The following GRIK3 variants were observed in gnomAD, a reference collection of about 807,000 sequenced individuals.
GRIK3 encodes glutamate receptor ionotropic, kainate 3.
GRIK3 carries 29 observed loss-of-function variants against 102.5 expected under a neutral mutation model. The ratio of observed to expected loss-of-function variants is 0.28; its 90% CI spans 0.21 to 0.39. The LOEUF is 0.39. Among genes scored for constraint, GRIK3 ranks in the 10% least tolerant of loss-of-function variants. The pLI is 1.00. For synonymous variants in GRIK3, 511 were observed against 504.9 expected, an observed-to-expected ratio of 1.01 and a Z score of -0.16; for missense variants, 908 against 1,252.4, an observed-to-expected ratio of 0.73 and a Z score of 4.15.
intron 1 of GRIK3, among the ~76,000 whole-genome samples, chr1:36,915,179 C>T (rs1242721732): frequency 6.6e-6 from 1 of 152,180 alleles, no homozygotes; most frequent in Non-Finnish European, 1.5e-5. Flanking sequence ...GTAGGGGAGA[C>T]CTCTGCCACT....
intron 1 of GRIK3, among the ~76,000 whole-genome samples, chr1:36,944,748 T>C (rs1641763676): frequency 6.6e-6 from 1 of 152,132 alleles, no homozygotes; most frequent in Admixed American, 6.5e-5. Flanking sequence ...CAGAGAGATG[T>C]GGGTCTATGT....
chr1:36,902,018 A>C (rs1307003995), intron 1 of GRIK3, among the ~76,000 whole-genome samples: 1 of 152,246 alleles, frequency 6.6e-6, no homozygotes, highest in Non-Finnish European at 1.5e-5. Context: ...TTATAAATCT[A>C]ACAAAATATG....
intron 1 of GRIK3, among the ~76,000 whole-genome samples, chr1:37,016,124 G>A (rs1642650334): frequency 6.6e-6 from 1 of 152,202 alleles, no homozygotes; most frequent in African/African-American, 2.4e-5. Flanking sequence ...TTTAAGGTTA[G>A]AAGTTTCCCA....
intron 1 of GRIK3, among the ~76,000 whole-genome samples, chr1:37,017,369 TAAAAAAAAAAAAAA>T (rs774819790): frequency 2.1e-5 from 1 of 48,534 alleles, no homozygotes; most frequent in Non-Finnish European, 3.5e-5. Flanking sequence ...CCCTGTCTCT[TAAAAAAAAAAAAAA>T]AAAAAAAAAA....
At chr1:36,811,969 T>C (rs1642567557) in intron 13 of GRIK3, among the ~76,000 whole-genome samples, 1 of 152,166 alleles carries the variant, frequency 6.6e-6, no homozygotes, top group African/African-American at 2.4e-5. Flanking sequence ...TGTCTGACTT[T>C]AAAACTGATG....
chr1:36,817,419 C>T (rs974432085), intron 12 of GRIK3, 142 bp from the exon 13 acceptor site: 23 of 631,924 alleles, frequency 3.6e-5, no homozygotes, highest in African/African-American at 7.3e-5. Context: ...AGTGTGGTCC[C>T]TGGACTGGCA....
chr1:36,973,312 G>T (rs1642163042), intron 1 of GRIK3, among the ~76,000 whole-genome samples: 1 of 151,826 alleles, frequency 6.6e-6, no homozygotes, highest in Admixed American at 6.6e-5. Flanking sequence ...TGCACACCAG[G>T]CCTTTCCTTG....
intron 15 of GRIK3, among the ~76,000 whole-genome samples, chr1:36,802,499 C>T (rs1305659910): frequency 6.6e-6 from 1 of 152,196 alleles, no homozygotes; most frequent in Non-Finnish European, 1.5e-5. Context: ...AAACTTTCTC[C>T]TGGAAGGGCT....
intron 1 of GRIK3, among the ~76,000 whole-genome samples, chr1:36,982,605 T>C (rs1173635709): frequency 6.6e-6 from 1 of 152,070 alleles, no homozygotes; most frequent in African/African-American, 2.4e-5. Context: ...AAAAATCCCA[T>C]GGGTCTGCAG....
chr1:36,812,457 C>T lies in GRIK3; in HGVS notation c.2091+4603G>A, dbSNP rs561275323. Among the ~76,000 whole-genome samples the T allele has an allele frequency of 8.1e-4, 124 of 152,302 alleles. 1 individual carries two copies. Among genetic ancestry groups the T allele is most frequent in the South Asian group, 6.2e-3 (30 of 4,822 alleles). The stretch of plus-strand genomic sequence containing the variant: ...TGTGCAGCCCTCCCTGCAAAGAACA[C>T]GCTTTCCCAACGTTCTCCTTTACAT... On this transcript the variant is annotated intron_variant, in intron 13 of 15. Coordinates refer to ENST00000373091, the MANE Select transcript of GRIK3 (RefSeq NM_000831.4).
chr1:37,027,562 G>A (rs142164739), intron 1 of GRIK3, among the ~76,000 whole-genome samples: 2 of 152,264 alleles, frequency 1.3e-5, no homozygotes, highest in Non-Finnish European at 2.9e-5. Flanking sequence ...CCTACACCCA[G>A]CCCTGTGCAC....
chr1:36,942,654 A>C (rs2124326156), intron 1 of GRIK3, among the ~76,000 whole-genome samples: 1 of 151,276 alleles, frequency 6.6e-6, no homozygotes, highest in African/African-American at 2.4e-5. Flanking sequence ...TCAAGGGCCA[A>C]ACCCCACCCC....
At chr1:36,881,958 C>G (rs903254934) in intron 2 of GRIK3, among the ~76,000 whole-genome samples, 2 of 152,158 alleles carry the variant, frequency 1.3e-5, no homozygotes, top group Non-Finnish European at 2.9e-5. Flanking sequence ...GCTGTCCTCT[C>G]TGGCTGGAAT....
At position 36,819,976 on chromosome 1, in the gene GRIK3, C is replaced by T; in HGVS notation, c.1755-122G>A. 1 of 633,080 alleles carries T rather than the reference C, an allele frequency of 1.6e-6. No homozygotes were observed. 39.2% of individuals were successfully genotyped at this position (633,080 alleles called of 1,614,324 possible). ...CAGCGTCAATATCCTCATGGTTCTG[C>T]TGGGAGGCAGGGCAGGGGAATTTCT... is the stretch of plus-strand genomic sequence containing the variant. On this transcript the variant is annotated intron_variant, in intron 11 of 15. Transcript: ENST00000373091. The surrounding 1 kb of genome is among the most constrained non-coding windows in gnomAD (Gnocchi z 4.1).
At chr1:36,962,318 T>A (rs1016807230) in intron 1 of GRIK3, among the ~76,000 whole-genome samples, 1 of 152,096 alleles carries the variant, frequency 6.6e-6, no homozygotes, top group Non-Finnish European at 1.5e-5. Context: ...CCTCACTGAA[T>A]GCATGTTCGG....
chr1:36,905,066 T>C (rs966310046), intron 1 of GRIK3, among the ~76,000 whole-genome samples: 8 of 151,788 alleles, frequency 5.3e-5, no homozygotes, highest in Non-Finnish European at 7.4e-5. Flanking sequence ...CATACAAATA[T>C]AGAAAAACAT....
At chr1:36,922,271 G>T (rs1641481246) in intron 1 of GRIK3, among the ~76,000 whole-genome samples, 1 of 152,198 alleles carries the variant, frequency 6.6e-6, no homozygotes, top group African/African-American at 2.4e-5. Flanking sequence ...CCTGAGGAAG[G>T]AGGAGAACAA....
intron 10 of GRIK3, among the ~76,000 whole-genome samples, chr1:36,834,863 T>C (rs1640353465): frequency 1.3e-5 from 2 of 152,120 alleles, no homozygotes; most frequent in South Asian, 4.2e-4. Flanking sequence ...CCTGACCAGG[T>C]GGAGACTTCA....
chr1:36,919,657 G>A (rs1482715230), intron 1 of GRIK3, among the ~76,000 whole-genome samples: 2 of 152,134 alleles, frequency 1.3e-5, no homozygotes, highest in East Asian at 3.9e-4. Flanking sequence ...GAACAGAAAT[G>A]CTGCCTCAAG....
Sources: gnomAD v4.1 joint callset for allele counts (sites outside exome capture counted in the v4.1 genomes callset) on GRCh38, gnomAD v4.1.1 for gene constraint, Gnocchi (gnomAD v3.1) non-coding constraint, MANE v1.5 for transcripts, NCBI Gene and HGNC (gene_info 2026-07-23, HGNC 2026-07-21) for gene names.